The following SRPK1 variants were observed in gnomAD, a reference collection of about 807,000 sequenced individuals.
SRPK1 encodes the protein SRSF protein kinase 1.
In SRPK1, 52 loss-of-function variants were observed where a neutral mutation model predicts 89.5. The ratio of observed to expected loss-of-function variants is 0.58; its 90% CI spans 0.46 to 0.73. The LOEUF (loss-of-function observed/expected upper bound fraction) is 0.73. Among genes scored for constraint, SRPK1 ranks in the 30% least tolerant of loss-of-function variants. The pLI, the probability that SRPK1 is intolerant of heterozygous loss-of-function variation, is 0.00. For synonymous variants in SRPK1, 255 were observed against 270.2 expected, an observed-to-expected ratio of 0.94 and a Z score of 0.55; for missense variants, 603 against 780.6, an observed-to-expected ratio of 0.77 and a Z score of 2.71.
At chr6:35,896,783 C>T (rs1770634508) in intron 2 of SRPK1, among the ~76,000 whole-genome samples, 1 of 152,022 alleles carries the variant, frequency 6.6e-6, no homozygotes, top group Admixed American at 6.6e-5. Context: ...GTGGAATATA[C>T]AAATACAACA....
intron 6 of SRPK1, among the ~76,000 whole-genome samples, chr6:35,883,737 ATT>A (rs747075892): frequency 4.9e-5 from 7 of 143,374 alleles, no homozygotes; most frequent in Middle Eastern, 3.6e-3. Context: ...TCACAAGGTT[ATT>A]TTTTTTTTTT....
rs1247330472 is a variant in SRPK1 at position 35,834,920 on chromosome 6, G to A, written c.*384C>T. 1.2e-5 allele frequency: 2 copies of A among 160,888 alleles called. No homozygotes were observed. The highest frequency in any genetic ancestry group is 1.2e-4 in the Admixed American group (2 of 16,464). The allele number at this position is 160,888 out of a possible 1,614,324, so 10.0% of individuals were successfully genotyped here. On this transcript the variant is annotated 3_prime_UTR_variant, in exon 16 of 16. Coordinates refer to ENST00000373825, the MANE Select transcript of SRPK1 (RefSeq NM_003137.5). ...CATCCTTATGCTGGCAATAGGATAT[G>A]CACTAGAAAATTTGACTCTTAGAGT...
chr6:35,900,089 G>A (rs1345908154), intron 2 of SRPK1, among the ~76,000 whole-genome samples: 2 of 152,146 alleles, frequency 1.3e-5, no homozygotes, highest in Admixed American at 1.3e-4. Flanking sequence ...CCAGAAAGCA[G>A]AGATGTTGGG....
chr6:35,869,163 C>A, intron 11 of SRPK1, 53 bp from the exon 12 acceptor site: 1 of 1,417,878 alleles, frequency 7.1e-7, no homozygotes, highest in Non-Finnish European at 9.8e-7. Flanking sequence ...GAGAAATACT[C>A]AATGAGTAAT....
At chr6:35,899,649 A>G (rs1770700828) in intron 2 of SRPK1, among the ~76,000 whole-genome samples, 1 of 152,210 alleles carries the variant, frequency 6.6e-6, no homozygotes, top group Non-Finnish European at 1.5e-5. Context: ...GCATTGAAGC[A>G]CTTTACAAAG....
chr6:35,913,451 G>A (rs1434708858), intron 2 of SRPK1, among the ~76,000 whole-genome samples: 3 of 151,952 alleles, frequency 2.0e-5, no homozygotes, highest in African/African-American at 4.8e-5. Flanking sequence ...CCGAGATCGC[G>A]CCACTACACT....
At chr6:35,842,073 T>C (rs911117470) in intron 14 of SRPK1, among the ~76,000 whole-genome samples, 4 of 152,100 alleles carry the variant, frequency 2.6e-5, no homozygotes, top group African/African-American at 9.7e-5. Flanking sequence ...ATTAGTTTTA[T>C]ATTCAGAAAA....
intron 12 of SRPK1, among the ~76,000 whole-genome samples, chr6:35,863,596 C>T (rs1769831495): frequency 6.7e-6 from 1 of 150,328 alleles, no homozygotes; most frequent in African/African-American, 2.5e-5. Context: ...ATACAGGAGG[C>T]CCACTGATCC....
At chr6:35,895,222 T>C (rs1261666281) in intron 2 of SRPK1, among the ~76,000 whole-genome samples, 2 of 152,168 alleles carry the variant, frequency 1.3e-5, no homozygotes, top group Non-Finnish European at 2.9e-5. Context: ...TAAATGCAGA[T>C]TATTGATTTT....
rs540967867 is a variant in SRPK1 at position 35,905,399 on chromosome 6, T to TA, written c.75-14387dup. Among the ~76,000 whole-genome samples, 56 of 151,552 alleles carry TA rather than the reference T, an allele frequency of 3.7e-4. No homozygotes were observed. The Middle Eastern group carries it at 0.021, about 56-fold the overall frequency. On this transcript the variant is annotated intron_variant, in intron 2 of 15. Coordinates refer to ENST00000373825, the MANE Select transcript of SRPK1 (RefSeq NM_003137.5). ...ATAGTATGCTTCATAAGCCATATTC[T>TA]AAAAAAAAACCCAACATAATCACAA...
At chr6:35,905,150 G>A (rs1770825375) in intron 2 of SRPK1, among the ~76,000 whole-genome samples, 1 of 151,934 alleles carries the variant, frequency 6.6e-6, no homozygotes, top group South Asian at 2.1e-4. Context: ...CTCAAATAAA[G>A]AACAAAAAAC....
chr6:35,889,679 G>A (rs1021401244), intron 3 of SRPK1, among the ~76,000 whole-genome samples: 2 of 152,150 alleles, frequency 1.3e-5, no homozygotes, highest in Non-Finnish European at 2.9e-5. Context: ...AGCTACTCGG[G>A]AGGCTGAGGC....
chr6:35,883,652 G>T (rs1770344049), intron 6 of SRPK1, among the ~76,000 whole-genome samples: 1 of 151,286 alleles, frequency 6.6e-6, no homozygotes, highest in African/African-American at 2.4e-5. Flanking sequence ...ATAATCAAGT[G>T]GCAAAAAGGA....
At chr6:35,862,550 T>C (rs1769801753) in intron 12 of SRPK1, among the ~76,000 whole-genome samples, 1 of 152,012 alleles carries the variant, frequency 6.6e-6, no homozygotes, top group Admixed American at 6.6e-5. Context: ...TCAAAAAAAT[T>C]GGAACAAGTG....
intron 2 of SRPK1, among the ~76,000 whole-genome samples, chr6:35,899,228 T>C (rs1770690709): frequency 1.3e-5 from 2 of 152,124 alleles, no homozygotes; most frequent in Non-Finnish European, 1.5e-5. Flanking sequence ...TCCAAACAGA[T>C]TTTTTTCCAA....
chr6:35,857,374 A>G lies in SRPK1; in HGVS notation c.1513-6T>C, dbSNP rs528481860. 2.3e-5 allele frequency: 36 copies of G among 1,584,352 alleles called. No individual in the cohort carries two copies. The East Asian group carries it at 8.1e-4, about 36-fold the overall frequency. On this transcript the variant is annotated splice_region_variant and splice_polypyrimidine_tract_variant and intron_variant, in intron 12 of 15. Coordinates refer to ENST00000373825, the MANE Select transcript of SRPK1 (RefSeq NM_003137.5). The stretch of plus-strand genomic sequence containing the variant: ...TCTTCAGTGAAATGTTTGTGCTGAG[A>G]AAATGAAGGAAACAATATTTTAAAC...
intron 13 of SRPK1, among the ~76,000 whole-genome samples, chr6:35,856,477 C>G (rs1249121578): frequency 6.6e-6 from 1 of 152,164 alleles, no homozygotes; most frequent in Non-Finnish European, 1.5e-5. Context: ...TGAGGGCAAT[C>G]TTGTGAGGAA....
intron 6 of SRPK1, among the ~76,000 whole-genome samples, chr6:35,882,217 G>C (rs538378799): frequency 3.2e-4 from 49 of 151,364 alleles, no homozygotes; most frequent in Non-Finnish European, 4.6e-4. Context: ...CAAGACATTT[G>C]GTGAGATTGA....
intron 12 of SRPK1, among the ~76,000 whole-genome samples, chr6:35,859,137 C>A (rs1435738338): frequency 6.6e-6 from 1 of 151,998 alleles, no homozygotes; most frequent in East Asian, 1.9e-4. Context: ...GATCATGTAG[C>A]CAAAAATTAG....
Sources: allele counts gnomAD v4.1 joint callset (sites outside exome capture counted in the v4.1 genomes callset), GRCh38; gene constraint gnomAD v4.1.1; transcripts MANE v1.5; gene names NCBI Gene and HGNC (gene_info 2026-07-23, HGNC 2026-07-21).